The following SCAMP5 variants were observed in gnomAD, a reference collection of about 807,000 sequenced individuals.
The protein encoded by SCAMP5 is secretory carrier-associated membrane protein 5.
In SCAMP5, 7 loss-of-function variants were observed where a neutral mutation model predicts 28.3. That is an observed-to-expected ratio of 0.25 (90% CI 0.14 to 0.46). The LOEUF is 0.46. Among genes scored for constraint, SCAMP5 ranks in the 20% least tolerant of loss-of-function variants. SCAMP5 has a pLI of 0.99. For synonymous variants in SCAMP5, 117 were observed against 116.4 expected (o/e 1.00, Z -0.03); for missense variants, 192 against 312.5 (o/e 0.61, Z 2.91).
chr15:75,001,896 AAAG>A (rs2065712978), intron 1 of SCAMP5, among the ~76,000 whole-genome samples: 1 of 148,520 alleles, frequency 6.7e-6, no homozygotes, highest in Non-Finnish European at 1.5e-5. Flanking sequence ...AAAAAAAAAA[AAAG>A]AGACTAACCT....
intron 1 of SCAMP5, among the ~76,000 whole-genome samples, chr15:75,003,057 T>G (rs1021012508): frequency 6.6e-6 from 1 of 152,066 alleles, no homozygotes; most frequent in African/African-American, 2.4e-5. Flanking sequence ...CAGCCTCCTG[T>G]GTAGCTGGGA....
chr15:75,012,953 C>A, intron 3 of SCAMP5, 148 bp downstream of exon 3: 1 of 742,520 alleles, frequency 1.3e-6, no homozygotes, highest in Non-Finnish European at 2.2e-6. Flanking sequence ...CTTCCCCTGC[C>A]AGGCTCCCAG....
At chr15:75,004,500 C>T (rs944993516) in intron 1 of SCAMP5, among the ~76,000 whole-genome samples, 12 of 149,296 alleles carry the variant, frequency 8.0e-5, no homozygotes, top group African/African-American at 3.0e-4. Context: ...GAGGCCAAGG[C>T]GGGTGGATCT....
intron 3 of SCAMP5, among the ~76,000 whole-genome samples, chr15:75,015,400 C>T (rs932717755): frequency 1.3e-5 from 2 of 151,214 alleles, no homozygotes; most frequent in African/African-American, 4.9e-5. Context: ...CCCTGCTGGC[C>T]GTGACTCAGT....
intron 1 of SCAMP5, among the ~76,000 whole-genome samples, chr15:75,010,771 C>A (rs953677130): frequency 4.0e-5 from 6 of 150,994 alleles, no homozygotes; most frequent in African/African-American, 1.5e-4. Context: ...CAGAGTGAGA[C>A]CCTGTCTAAG....
intron 1 of SCAMP5, among the ~76,000 whole-genome samples, chr15:74,998,409 C>T (rs890655277): frequency 9.9e-5 from 15 of 152,016 alleles, no homozygotes; most frequent in Non-Finnish European, 1.9e-4. Flanking sequence ...AGTTCGAGAC[C>T]AGCCTGGCCA....
At chr15:75,004,942 G>C (rs9672926) in intron 1 of SCAMP5, among the ~76,000 whole-genome samples, 30,448 of 152,018 alleles carry the variant, frequency 0.2, 4,843 homozygotes, top group South Asian at 0.43. Flanking sequence ...TTTGGAAGGC[G>C]GAGTTGGGCG....
chr15:75,003,231 G>A (rs1353358271), intron 1 of SCAMP5, among the ~76,000 whole-genome samples: 1 of 152,100 alleles, frequency 6.6e-6, no homozygotes, highest in African/African-American at 2.4e-5. Flanking sequence ...CCTGCAAATT[G>A]GCAATGTTTT....
intron 1 of SCAMP5, among the ~76,000 whole-genome samples, chr15:75,005,777 T>C (rs2065751321): frequency 6.6e-6 from 1 of 152,082 alleles, no homozygotes; most frequent in Admixed American, 6.6e-5. Flanking sequence ...CAGGCTGGAG[T>C]GCAGTGGCGC....
In SCAMP5 at chr15:75,019,194, G is replaced by T; in HGVS notation, c.*211G>T. 2.6e-6 allele frequency: 1 copy of T among 379,606 alleles called. No individual in the cohort carries two copies. The highest frequency in any genetic ancestry group is 4.6e-6 in the Non-Finnish European group (1 of 218,220). The allele number at this position is 379,606 out of a possible 1,614,324, so 23.5% of individuals were successfully genotyped here. ...TTCTGCTCTTGGCACTCAGCTGTGG[G>T]CTGCACGTGGAGCTGTCCCGTGCGG... On this transcript the variant is annotated 3_prime_UTR_variant, in exon 7 of 7. Transcript: ENST00000425597.
Position 75,017,967 on chromosome 15 carries a change from G to A in SCAMP5, c.391G>A (p.Val131Ile), listed in dbSNP as rs199531025. ...GGCCGTGGGCATCCCAGGCTGGGGC[G>A]TCTGGTAAGAGGCAGGGGTGTGGCC... Reference protein sequence around the residue: ...IQAVGIPGWGVCGWIATISFF... With the variant: ...IQAVGIPGWGICGWIATISFF... The change falls in exon 5 of 7, where the codon GTC becomes ATC. Residue 131 changes from valine (V) to isoleucine (I), a missense_variant. Val to Ile is a conservative substitution (Grantham distance 29). Transcript: ENST00000425597. The A allele has an allele frequency of 1.3e-4, 211 of 1,607,278 alleles. No homozygotes were observed. The highest frequency in any genetic ancestry group is 3.3e-4 in the Middle Eastern group (2 of 6,048).
In SCAMP5 at chr15:75,018,878, G is replaced by T. The variant is rs1418699307; in HGVS notation, c.603G>T (p.Gln201His). The stretch of plus-strand genomic sequence containing the variant: ...GGGCCTGGAAGAATCCACATGTGCA[G>T]CAGGCAGCCCAGAACGCAGCCATGG... ...TTGAWKNPHV[Q>H]QAAQNAAMGA... Residue 201 changes from glutamine to histidine, a missense_variant, in exon 7 of 7, where the codon CAG becomes CAT. Transcript: ENST00000425597. This position sits in a 1 kb window ranked among gnomAD's most constrained non-coding sequence, Gnocchi z 5.6. 1 of 1,593,182 alleles carries T rather than the reference G, an allele frequency of 6.3e-7. No individual in the cohort carries two copies. The highest frequency in any genetic ancestry group is 8.5e-7 in the Non-Finnish European group (1 of 1,174,368).
At position 74,998,376 on chromosome 15, in the gene SCAMP5, C is replaced by T. The variant is rs867431478; in HGVS notation, c.-49+2703C>T. Among the ~76,000 whole-genome samples the T allele has an allele frequency of 2.6e-5, 4 of 152,168 alleles. No homozygotes were observed. The South Asian group carries it at 8.3e-4, about 32-fold the overall frequency. On this transcript the variant is annotated intron_variant, in intron 1 of 6. Coordinates refer to ENST00000425597, the MANE Select transcript of SCAMP5 (RefSeq NM_138967.4). ...ATCCCAGCACTTGGGGAGGCCGAGG[C>T]GGGTGGATCACCTGAGGTCAGGAGT...
In SCAMP5 at chr15:75,020,178, ATC is replaced by A. The variant is rs2065893931; in HGVS notation, c.*1200_*1201del. Reference sequence around the variant, plus strand: ...CTCCAGCACAGTGAGGCATTTAGGTATCTCTCGGTGACCGTTGGATTCCTGGA... The same window carrying A: ...CTCCAGCACAGTGAGGCATTTAGGTATCTCGGTGACCGTTGGATTCCTGGA... On this transcript the variant is annotated 3_prime_UTR_variant, in exon 7 of 7. Transcript: ENST00000425597. 6.6e-6 allele frequency: 1 copy of A among 152,218 alleles called. No individual in the cohort carries two copies. The highest frequency in any genetic ancestry group is 2.4e-5 in the African/African-American group (1 of 41,318). The allele number at this position is 152,218 out of a possible 1,614,324, so 9.4% of individuals were successfully genotyped here.
rs1322171036 is a variant in SCAMP5 at position 74,995,629 on chromosome 15, T to G, written c.-93T>G. 1 of 147,464 alleles carries G rather than the reference T, an allele frequency of 6.8e-6. No homozygotes were observed. The highest frequency in any genetic ancestry group is 2.5e-5 in the African/African-American group (1 of 40,224). The allele number at this position is 147,464 out of a possible 1,614,324, so 9.1% of individuals were successfully genotyped here. On this transcript the variant is annotated 5_prime_UTR_variant, in exon 1 of 7. Transcript: ENST00000425597. ...CCGCATCGCTCGGGTGCAGCGCAGCTCAGCGCAGCGCTGCGGCCTTTCGGC... is the reference window on the plus strand; with the variant it reads ...CCGCATCGCTCGGGTGCAGCGCAGCGCAGCGCAGCGCTGCGGCCTTTCGGC...
chr15:75,010,109 T>C (rs1174796302), intron 1 of SCAMP5, among the ~76,000 whole-genome samples: 1 of 152,206 alleles, frequency 6.6e-6, no homozygotes, highest in Non-Finnish European at 1.5e-5. Context: ...TCTAACAAGG[T>C]GATTGCTGCT....
At chr15:75,014,520 A>G (rs2065842309) in intron 3 of SCAMP5, among the ~76,000 whole-genome samples, 1 of 152,212 alleles carries the variant, frequency 6.6e-6, no homozygotes, top group African/African-American at 2.4e-5. Flanking sequence ...GGTTCATTTG[A>G]CATTGGCTGA....
chr15:75,016,829 C>T (rs994603031), intron 4 of SCAMP5, 80 bp downstream of exon 4: 16 of 979,806 alleles, frequency 1.6e-5, no homozygotes, highest in Admixed American at 6.6e-5. Context: ...TTTCTCACTT[C>T]TTTTTTTTTT....
At chr15:75,011,915 G>T (rs555958335) in intron 2 of SCAMP5, 69 bp downstream of exon 2, 2 of 1,372,770 alleles carry the variant, frequency 1.5e-6, no homozygotes, top group African/African-American at 2.8e-5. Flanking sequence ...CCTCTTCCTG[G>T]TTCCCTTATC....
Sources: gnomAD v4.1 joint callset for allele counts (sites outside exome capture counted in the v4.1 genomes callset) on GRCh38, gnomAD v4.1.1 for gene constraint, Gnocchi (gnomAD v3.1) non-coding constraint, MANE v1.5 for transcripts, NCBI Gene and HGNC (gene_info 2026-07-23, HGNC 2026-07-21) for gene names.